CDC34: variants seen among roughly 807,000 people sequenced by gnomAD.
CDC34 encodes the protein cell division cycle 34, ubiquitin conjugating enzyme, also known as ubiquitin-conjugating enzyme E2 R1.
CDC34 carries 18 observed loss-of-function variants against 26.8 expected under a neutral mutation model. The observed-to-expected ratio is 0.67, with a 90% CI of 0.47 to 1.00. The LOEUF is 1.00. Among genes scored for constraint, CDC34 ranks in the 50% least tolerant of loss-of-function variants. The probability of loss-of-function intolerance (pLI) is 0.00; values close to 1 mark genes in which losing one functional copy is unlikely to be tolerated. For missense variants in CDC34, 280 were observed against 334.5 expected (o/e 0.84, Z 1.27); for synonymous variants, 178 against 147.5 (o/e 1.21, Z -1.50).
Position 541,487 on chromosome 19 carries a change from G to A in CDC34, c.646G>A (p.Val216Met), listed in dbSNP as rs563776588. The change falls in exon 5 of 5, where the codon GTG becomes ATG. Residue 216 changes from valine to methionine, a missense_variant. By Grantham distance (21) the Val-to-Met change is conservative. Coordinates refer to ENST00000215574, the MANE Select transcript of CDC34 (RefSeq NM_004359.2). ...FYDDYYEDGE[V>M]EEEADSCFGD... Reference sequence around the variant, plus strand: ...CGACGACTACTACGAGGACGGCGAGGTGGAGGAGGAGGCCGACAGCTGCTT... The same window carrying A: ...CGACGACTACTACGAGGACGGCGAGATGGAGGAGGAGGCCGACAGCTGCTT... 71 of 1,611,642 alleles carry A rather than the reference G, an allele frequency of 4.4e-5. No individual in the cohort carries two copies. The Admixed American group carries it at 1.1e-3, about 26-fold the overall frequency.
chr19:537,651 C>CTTTTTTTTTTTTT (rs773623358), intron 4 of CDC34, among the ~76,000 whole-genome samples: 9 of 67,086 alleles, frequency 1.3e-4, no homozygotes, highest in Non-Finnish European at 2.2e-4. Context: ...CGCGGCCGGC[C>CTTTTTTTTTTTTT]TTTTTTTTTT....
rs764877152 is a variant in CDC34 at position 541,414 on chromosome 19, C to T, written c.573C>T (p.Cys191=). 31 of 1,612,070 alleles carry T rather than the reference C, an allele frequency of 1.9e-5. No individual in the cohort carries two copies. The highest frequency in any genetic ancestry group is 2.4e-5 in the Non-Finnish European group (28 of 1,179,790). ...VKVPTTLAEY[C]VKTKAPAPDE... is the part of the protein sequence containing the mutation. Reference sequence around the variant, plus strand: ...TGCCCACCACGCTGGCCGAGTACTGCGTGAAGACCAAGGCGCCGGCGCCCG... The same window carrying T: ...TGCCCACCACGCTGGCCGAGTACTGTGTGAAGACCAAGGCGCCGGCGCCCG... Residue 191 remains cysteine, a synonymous_variant, in exon 5 of 5, where the codon TGC becomes TGT. Coordinates refer to ENST00000215574, the MANE Select transcript of CDC34 (RefSeq NM_004359.2).
At chr19:537,171 G>T (rs16990571) in intron 4 of CDC34, 24 bp downstream of exon 4, 20 of 1,610,876 alleles carry the variant, frequency 1.2e-5, no homozygotes, top group Non-Finnish European at 1.7e-5. Context: ...GGGGCGTCAC[G>T]GGAGGAGAGA....
intron 1 of CDC34, among the ~76,000 whole-genome samples, chr19:532,609 C>A (rs1347292224): frequency 6.6e-6 from 1 of 152,222 alleles, no homozygotes. Context: ...GGAGCTGGGC[C>A]CGTGAGCGGG....
chr19:541,112 C>A, intron 4 of CDC34: 1 of 545,474 alleles, frequency 1.8e-6, no homozygotes, highest in South Asian at 2.6e-5. Flanking sequence ...GACTGCACTG[C>A]GCCCGTCCAG....
intron 1 of CDC34, among the ~76,000 whole-genome samples, chr19:533,938 TC>T (rs1352885224): frequency 1.3e-5 from 2 of 152,184 alleles, no homozygotes; most frequent in Non-Finnish European, 2.9e-5. Flanking sequence ...CAGCTGCTGT[TC>T]CTTCAGGAGC....
At chr19:538,277 G>A (rs982212007) in intron 4 of CDC34, among the ~76,000 whole-genome samples, 2 of 152,226 alleles carry the variant, frequency 1.3e-5, no homozygotes, top group Admixed American at 6.5e-5. Flanking sequence ...GGGTACAGCT[G>A]TGCAGTCGCC....
chr19:532,415 C>T (rs913698754), intron 1 of CDC34, among the ~76,000 whole-genome samples: 32 of 152,212 alleles, frequency 2.1e-4, no homozygotes. Flanking sequence ...CTCCCTGTAG[C>T]ATCTGGGCGT....
At chr19:535,466 T>C in intron 1 of CDC34, among the ~76,000 whole-genome samples, 1 of 152,222 alleles carries the variant, frequency 6.6e-6, no homozygotes, top group East Asian at 1.9e-4. Context: ...CTGGAGCCCC[T>C]GCCAGTCCAT....
chr19:539,510 A>G (rs961705079), intron 4 of CDC34, among the ~76,000 whole-genome samples: 7 of 152,216 alleles, frequency 4.6e-5, no homozygotes, highest in African/African-American at 1.7e-4. Flanking sequence ...GACGTCCCTG[A>G]GGCCAGACGC....
At chr19:539,450 G>A (rs927167942) in intron 4 of CDC34, among the ~76,000 whole-genome samples, 3 of 151,802 alleles carry the variant, frequency 2.0e-5, no homozygotes, top group Non-Finnish European at 4.4e-5. Flanking sequence ...CCAGCCCATC[G>A]GAGAGCTTGG....
chr19:539,367 C>T (rs1979908641), intron 4 of CDC34, among the ~76,000 whole-genome samples: 1 of 151,836 alleles, frequency 6.6e-6, no homozygotes, highest in East Asian at 1.9e-4. Context: ...CCCGTCCACC[C>T]TGGCCCTCCC....
chr19:535,066 C>T (rs1979677440), intron 1 of CDC34, among the ~76,000 whole-genome samples: 1 of 152,232 alleles, frequency 6.6e-6, no homozygotes, highest in Non-Finnish European at 1.5e-5. Context: ...CCTGCTGTGG[C>T]CCAGGAGGGC....
At position 541,329 on chromosome 19, in the gene CDC34, G is replaced by T; in HGVS notation, c.498-10G>T. The T allele has an allele frequency of 1.3e-6, 2 of 1,548,998 alleles. No homozygotes were observed. Among genetic ancestry groups the T allele is most frequent in the Non-Finnish European group, 1.7e-6 (2 of 1,150,356 alleles). ...CGTGGGTGGCGCCCTCACCCACCCTGTCCCCCCAGGAAGCAGGTCCTGGGG... is the reference window on the plus strand; with the variant it reads ...CGTGGGTGGCGCCCTCACCCACCCTTTCCCCCCAGGAAGCAGGTCCTGGGG... On this transcript the variant is annotated splice_polypyrimidine_tract_variant and intron_variant, in intron 4 of 4. Transcript: ENST00000215574.
chr19:538,723 C>T, intron 4 of CDC34: 1 of 985,414 alleles, frequency 1.0e-6, no homozygotes, highest in Non-Finnish European at 1.2e-6. Context: ...CTCGCTGGTA[C>T]CTGGTGTCGT....
At chr19:536,643 C>T (rs1393685941) in intron 3 of CDC34, 3 of 541,006 alleles carry the variant, frequency 5.5e-6, no homozygotes, top group African/African-American at 1.9e-5. Flanking sequence ...CTTACCCAGC[C>T]GTCTCTGGGT....
At chr19:536,486 TG>T (rs1979758164) in intron 3 of CDC34, 146 bp downstream of exon 3, 3 of 635,898 alleles carry the variant, frequency 4.7e-6, no homozygotes, top group Admixed American at 2.7e-5. Flanking sequence ...CTGGCGGTCC[TG>T]GGCCTCGCTG....
chr19:538,925 G>T (rs1321979903), intron 4 of CDC34: 1 of 985,360 alleles, frequency 1.0e-6, no homozygotes, highest in Non-Finnish European at 1.2e-6. Flanking sequence ...CGTGTCACCT[G>T]GCCCAGGTGG....
chr19:541,744 A>G lies in CDC34; in HGVS notation c.*192A>G, dbSNP rs1980029061. 1.9e-6 allele frequency: 1 copy of G among 515,160 alleles called. No individual in the cohort carries two copies. Among genetic ancestry groups the G allele is most frequent in the South Asian group, 4.4e-5 (1 of 22,680 alleles). The allele number at this position is 515,160 out of a possible 1,614,324, so 31.9% of individuals were successfully genotyped here. A position where few individuals can be genotyped will look rare whatever the true frequency, so the allele number is the denominator to read the frequency against. ...AGAGAAGAGGGGCTGCCCCACCGCC[A>G]CTCACGTCACTCGGGGCTCGGTGGA... is the stretch of plus-strand genomic sequence containing the variant. On this transcript the variant is annotated 3_prime_UTR_variant, in exon 5 of 5. Transcript: ENST00000215574.
Sources: gnomAD v4.1 joint callset for allele counts (sites outside exome capture counted in the v4.1 genomes callset) on GRCh38, gnomAD v4.1.1 for gene constraint, MANE v1.5 for transcripts, NCBI Gene and HGNC (gene_info 2026-07-23, HGNC 2026-07-21) for gene names.